The following SHISA9 variants were observed in gnomAD, a reference collection of about 807,000 sequenced individuals.
SHISA9 encodes protein shisa-9.
In SHISA9, 13 loss-of-function variants were observed where a neutral mutation model predicts 38.0. That is an observed-to-expected ratio of 0.34 (90% CI 0.22 to 0.54). The LOEUF is 0.54. Ranked by LOEUF, SHISA9 falls within the 20% of genes least tolerant of loss-of-function variation. The pLI, the probability that SHISA9 is intolerant of heterozygous loss-of-function variation, is 0.91. For synonymous variants in SHISA9, 275 were observed against 242.0 expected, an observed-to-expected ratio of 1.14 and a Z score of -1.27; for missense variants, 538 against 575.8, an observed-to-expected ratio of 0.93 and a Z score of 0.67.
chr16:13,059,748 T>A (rs2073352579), intron 2 of SHISA9, among the ~76,000 whole-genome samples: 1 of 152,068 alleles, frequency 6.6e-6, no homozygotes, highest in Non-Finnish European at 1.5e-5. Flanking sequence ...TGACCTCAAG[T>A]TAGAATGAGG....
chr16:13,329,454 G>A, the SHISA9 span, among the ~76,000 whole-genome samples: 1 of 152,260 alleles, frequency 6.6e-6, no homozygotes, highest in African/African-American at 2.4e-5. Context: ...CCATGTGCTA[G>A]GTTGCATTGT....
intron 2 of SHISA9, among the ~76,000 whole-genome samples, chr16:13,053,735 G>C (rs116062943): frequency 6.6e-6 from 1 of 152,286 alleles, no homozygotes; most frequent in African/African-American, 2.4e-5. Context: ...ATTCTGCCTG[G>C]AATGCTCCAC....
chr16:13,247,191 C>T, the SHISA9 span, among the ~76,000 whole-genome samples: 1 of 152,140 alleles, frequency 6.6e-6, no homozygotes, highest in East Asian at 1.9e-4. Flanking sequence ...CTCTTGAGAA[C>T]TCACTCACTA....
chr16:13,398,610 G>A, the SHISA9 span, among the ~76,000 whole-genome samples: 2 of 150,974 alleles, frequency 1.3e-5, no homozygotes, highest in South Asian at 2.1e-4. Flanking sequence ...CCTCCGGTTC[G>A]AGCGATTCTC....
At chr16:13,448,226 T>A in the SHISA9 span, among the ~76,000 whole-genome samples, 2 of 152,162 alleles carry the variant, frequency 1.3e-5, no homozygotes, top group African/African-American at 4.8e-5. Flanking sequence ...TTTGGAGGTG[T>A]CCTATAGAGA....
downstream of SHISA9, chr16:13,240,433 A>G (rs1400290822): frequency 6.6e-6 from 1 of 152,242 alleles, no homozygotes; most frequent in African/African-American, 2.4e-5. Flanking sequence ...TGGGATTGTC[A>G]TGTATCTTTC....
In SHISA9 at chr16:13,042,164, C is replaced by A. The variant is rs768679218; in HGVS notation, c.691+125349C>A. Among the ~76,000 whole-genome samples the A allele has an allele frequency of 3.9e-4, 59 of 152,138 alleles. 1 individual carries two copies. The highest frequency in any genetic ancestry group is 7.4e-4 in the Non-Finnish European group (50 of 68,018). On this transcript the variant is annotated intron_variant, in intron 2 of 4. Coordinates refer to ENST00000558583, the MANE Select transcript of SHISA9 (RefSeq NM_001145204.3). Reference sequence around the variant, plus strand: ...CCTGATCTGTTGGGTAGACAGTCTGCAAAACACAGTGGCCACAAGGACACT... The same window carrying A: ...CCTGATCTGTTGGGTAGACAGTCTGAAAAACACAGTGGCCACAAGGACACT...
chr16:13,424,757 A>G, the SHISA9 span, among the ~76,000 whole-genome samples: 1 of 152,210 alleles, frequency 6.6e-6, no homozygotes, highest in African/African-American at 2.4e-5. Context: ...CGGCATGGCT[A>G]TGTCTCGGTT....
At chr16:13,500,176 G>C in the SHISA9 span, among the ~76,000 whole-genome samples, 1 of 152,164 alleles carries the variant, frequency 6.6e-6, no homozygotes, top group East Asian at 1.9e-4. Context: ...TCTAACAAGA[G>C]CTGATGGTTT....
the SHISA9 span, among the ~76,000 whole-genome samples, chr16:13,391,916 G>A: frequency 6.6e-6 from 1 of 152,172 alleles, no homozygotes; most frequent in East Asian, 1.9e-4. Flanking sequence ...TTAATCAAAT[G>A]ATATTCTTCA....
chr16:13,379,349 G>A, the SHISA9 span, among the ~76,000 whole-genome samples: 33 of 152,210 alleles, frequency 2.2e-4, no homozygotes. Context: ...TGGTGATTAA[G>A]ATGGATGCAG....
intron 2 of SHISA9, among the ~76,000 whole-genome samples, chr16:13,033,723 A>C (rs1011648091): frequency 1.4e-4 from 22 of 152,168 alleles, no homozygotes; most frequent in African/African-American, 4.8e-4. Context: ...TGAGTTGGCC[A>C]CACTACCCAG....
intron 2 of SHISA9, among the ~76,000 whole-genome samples, chr16:13,045,554 T>C (rs1032876092): frequency 1.3e-5 from 2 of 149,634 alleles, no homozygotes; most frequent in African/African-American, 5.0e-5. Context: ...GGAGTTACAA[T>C]GGTACACGGT....
the SHISA9 span, among the ~76,000 whole-genome samples, chr16:13,552,283 G>C: frequency 6.6e-6 from 1 of 152,110 alleles, no homozygotes; most frequent in Non-Finnish European, 1.5e-5. Flanking sequence ...AGTCTCCCCG[G>C]TGGTTCCCCA....
chr16:13,423,858 A>G, the SHISA9 span, among the ~76,000 whole-genome samples: 8 of 152,210 alleles, frequency 5.3e-5, no homozygotes, highest in East Asian at 3.8e-4. Context: ...CTCAGCTCCA[A>G]GAGGCCACCT....
At chr16:13,060,205 G>C (rs2073357895) in intron 2 of SHISA9, among the ~76,000 whole-genome samples, 1 of 152,134 alleles carries the variant, frequency 6.6e-6, no homozygotes, top group South Asian at 2.1e-4. Context: ...CATTATTGAA[G>C]CTGGAGGGAC....
chr16:13,224,993 G>C (rs2051264988), intron 4 of SHISA9, among the ~76,000 whole-genome samples: 1 of 152,274 alleles, frequency 6.6e-6, no homozygotes, highest in Middle Eastern at 3.4e-3. Context: ...CATGGAAATA[G>C]AGTCTTTGCA....
At chr16:13,110,738 T>C (rs2141966563) in intron 2 of SHISA9, among the ~76,000 whole-genome samples, 1 of 152,312 alleles carries the variant, frequency 6.6e-6, no homozygotes, top group African/African-American at 2.4e-5. Context: ...CATGGCCTCA[T>C]TTATCCTGGA....
At chr16:13,181,076 A>G (rs2050772367) in intron 2 of SHISA9, among the ~76,000 whole-genome samples, 1 of 152,038 alleles carries the variant, frequency 6.6e-6, no homozygotes, top group Non-Finnish European at 1.5e-5. Flanking sequence ...TGGGGAAGAC[A>G]GGTATCAAAT....
Sources: gnomAD v4.1 joint callset for allele counts (sites outside exome capture counted in the v4.1 genomes callset) on GRCh38, gnomAD v4.1.1 for gene constraint, MANE v1.5 for transcripts, NCBI Gene and HGNC (gene_info 2026-07-23, HGNC 2026-07-21) for gene names.